RHOH: variants seen among roughly 807,000 people sequenced by gnomAD.
RHOH encodes the protein rho-related GTP-binding protein RhoH.
RHOH carries 6 observed loss-of-function variants against 13.8 expected under a neutral mutation model. The ratio of observed to expected loss-of-function variants is 0.44; its 90% CI spans 0.24 to 0.86. RHOH has a LOEUF of 0.86. Among genes scored for constraint, RHOH ranks in the 40% least tolerant of loss-of-function variants. The pLI, the probability that RHOH is intolerant of heterozygous loss-of-function variation, is 0.24. For missense variants in RHOH, 147 were observed against 244.5 expected, an observed-to-expected ratio of 0.60 and a Z score of 2.66; for synonymous variants, 117 against 103.0, an observed-to-expected ratio of 1.14 and a Z score of -0.82.
At chr4:40,225,917 G>A (rs1727171320) in intron 1 of RHOH, among the ~76,000 whole-genome samples, 1 of 150,576 alleles carries the variant, frequency 6.6e-6, no homozygotes, top group Non-Finnish European at 1.5e-5. Flanking sequence ...TCTTGGACAA[G>A]GTACTTTACT....
chr4:40,196,618 C>T (rs1723162300), upstream of RHOH, among the ~76,000 whole-genome samples: 1 of 151,408 alleles, frequency 6.6e-6, no homozygotes, highest in African/African-American at 2.4e-5. Context: ...TTGTTTTCCC[C>T]AAGCTGATGG....
rs1166541815 is a variant in RHOH at position 40,244,747 on chromosome 4, A to G, written c.*785A>G. 5.6e-6 allele frequency: 1 copy of G among 179,960 alleles called. No homozygotes were observed. Among genetic ancestry groups the G allele is most frequent in the Non-Finnish European group, 1.2e-5 (1 of 83,664 alleles). 11.1% of individuals were successfully genotyped at this position (179,960 alleles called of 1,614,324 possible). A position where few individuals can be genotyped will look rare whatever the true frequency, so the allele number is the denominator to read the frequency against. Reference sequence around the variant, plus strand: ...TTGATTGAAACACCATCTTTCAGGTAGAGAATCAGACTGCTCCAAGCAATG... The same window carrying G: ...TTGATTGAAACACCATCTTTCAGGTGGAGAATCAGACTGCTCCAAGCAATG... On this transcript the variant is annotated 3_prime_UTR_variant, in exon 3 of 3. Transcript: ENST00000381799.
intron 1 of RHOH, among the ~76,000 whole-genome samples, chr4:40,223,466 C>CCTT (rs1430963466): frequency 2.1e-5 from 2 of 94,480 alleles, no homozygotes; most frequent in East Asian, 5.2e-4. Flanking sequence ...TGATTGTTAG[C>CCTT]TTTTTTTTTT....
At chr4:40,194,243 T>A (rs7661670), upstream of RHOH, among the ~76,000 whole-genome samples, 19 of 90,028 alleles carry the variant, frequency 2.1e-4, no homozygotes, top group South Asian at 1.2e-3. Flanking sequence ...TATTATTATT[T>A]TTTAGGCTGA....
rs771721691 is a variant in RHOH at position 40,243,366 on chromosome 4, G to A, written c.-21G>A. On this transcript the variant is annotated 5_prime_UTR_variant, in exon 3 of 3. Transcript: ENST00000381799. The surrounding 1 kb of genome is among the most constrained non-coding windows in gnomAD (Gnocchi z 6.2). ...TTTCCCTGGGATTCTGGACTTCAGA[G>A]TAGGACAGCAGGCTGGGAAGATGCT... The A allele has an allele frequency of 6.4e-7, 1 of 1,555,744 alleles. No individual in the cohort carries two copies. Among genetic ancestry groups the A allele is most frequent in the South Asian group, 1.2e-5 (1 of 81,944 alleles).
chr4:40,237,463 A>C (rs528256022), intron 1 of RHOH, among the ~76,000 whole-genome samples: 1 of 152,174 alleles, frequency 6.6e-6, no homozygotes, highest in African/African-American at 2.4e-5. Flanking sequence ...TCAAAAAAAA[A>C]AAAAAAAGAA....
chr4:40,221,077 C>A (rs1726498913), intron 1 of RHOH, among the ~76,000 whole-genome samples: 1 of 152,194 alleles, frequency 6.6e-6, no homozygotes. Context: ...CTCCCTTAGG[C>A]AATTGAGGGA....
chr4:40,230,607 C>T (rs80224458), intron 1 of RHOH, among the ~76,000 whole-genome samples: 1 of 151,568 alleles, frequency 6.6e-6, no homozygotes, highest in Non-Finnish European at 1.5e-5. Flanking sequence ...GATCCACCCC[C>T]CTTAGCCTCC....
rs5857719 is a variant in RHOH at position 40,233,925 on chromosome 4, C to CAAATAAAATAAAATAAAATA, written c.-330-8769_-330-8750dup. 2.8e-4 allele frequency among the ~76,000 whole-genome samples: 41 copies of CAAATAAAATAAAATAAAATA among 145,228 alleles called. No homozygotes were observed. The East Asian group carries it at 3.2e-3, about 11-fold the overall frequency. On this transcript the variant is annotated intron_variant, in intron 1 of 2. Transcript: ENST00000381799. Reference sequence around the variant, plus strand: ...TGGGCGACAGAGTAATACTCCCTCTCAAATAAAATAAAATAAAATAAAATA... The same window carrying CAAATAAAATAAAATAAAATA: ...TGGGCGACAGAGTAATACTCCCTCTCAAATAAAATAAAATAAAATAAAATAAAATAAAATAAAATAAAATA...
intron 1 of RHOH, among the ~76,000 whole-genome samples, chr4:40,215,083 T>C (rs1322633126): frequency 6.6e-6 from 1 of 152,172 alleles, no homozygotes; most frequent in Non-Finnish European, 1.5e-5. Context: ...GCCAAGAACA[T>C]GGCAAATTCA....
upstream of RHOH, among the ~76,000 whole-genome samples, chr4:40,196,692 C>CTTT (rs397768063): frequency 3.3e-3 from 386 of 117,610 alleles, 4 homozygotes; most frequent in East Asian, 7.8e-3. Flanking sequence ...GTGGCATGGA[C>CTTT]TTTTTTTTTT....
intron 1 of RHOH, among the ~76,000 whole-genome samples, chr4:40,228,911 A>G (rs1248060547): frequency 6.6e-6 from 1 of 152,102 alleles, no homozygotes; most frequent in African/African-American, 2.4e-5. Context: ...GTTCTTTTGC[A>G]AAGAGCTAAT....
intron 1 of RHOH, among the ~76,000 whole-genome samples, chr4:40,198,502 C>T (rs1172313837): frequency 2.6e-5 from 4 of 152,226 alleles, no homozygotes; most frequent in Non-Finnish European, 5.9e-5. Flanking sequence ...TTCCTCGGCT[C>T]TCACGGCACC....
intron 1 of RHOH, among the ~76,000 whole-genome samples, chr4:40,226,280 A>G (rs1483708432): frequency 6.6e-6 from 1 of 152,094 alleles, no homozygotes; most frequent in South Asian, 2.1e-4. Context: ...TAGTCCCAGC[A>G]CTTTGGGAGG....
At chr4:40,213,831 C>T (rs1163661329) in intron 1 of RHOH, among the ~76,000 whole-genome samples, 1 of 152,158 alleles carries the variant, frequency 6.6e-6, no homozygotes, top group Non-Finnish European at 1.5e-5. Flanking sequence ...GATCCCCAGT[C>T]ACTGCAACTT....
chr4:40,192,666 T>G (rs903759883), upstream of RHOH, among the ~76,000 whole-genome samples: 1 of 152,180 alleles, frequency 6.6e-6, no homozygotes, highest in African/African-American at 2.4e-5. Flanking sequence ...AGAGAACATT[T>G]CTGATGAAGG....
At chr4:40,220,528 C>A (rs1318476378) in intron 1 of RHOH, among the ~76,000 whole-genome samples, 2 of 151,692 alleles carry the variant, frequency 1.3e-5, no homozygotes, top group Admixed American at 6.6e-5. Flanking sequence ...CTTTGTGTGG[C>A]CATTGCATGA....
chr4:40,210,831 T>C (rs1429652979), intron 1 of RHOH, among the ~76,000 whole-genome samples: 1 of 152,132 alleles, frequency 6.6e-6, no homozygotes, highest in Non-Finnish European at 1.5e-5. Context: ...TATGCAGACA[T>C]ATAATTTGTC....
intron 1 of RHOH, among the ~76,000 whole-genome samples, chr4:40,241,691 C>A (rs985329263): frequency 7.2e-5 from 11 of 152,144 alleles, no homozygotes; most frequent in African/African-American, 2.4e-4. Flanking sequence ...GAGTTCATGA[C>A]CAGCCTGGGC....
Sources: gnomAD v4.1 joint callset for allele counts (sites outside exome capture counted in the v4.1 genomes callset) on GRCh38, gnomAD v4.1.1 for gene constraint, Gnocchi (gnomAD v3.1) non-coding constraint, MANE v1.5 for transcripts, NCBI Gene and HGNC (gene_info 2026-07-23, HGNC 2026-07-21) for gene names.